The following WDR45B variants were observed in gnomAD, a reference collection of about 807,000 sequenced individuals.
The protein encoded by WDR45B is WD repeat domain phosphoinositide-interacting protein 3.
WDR45B carries 20 observed loss-of-function variants against 44.6 expected under a neutral mutation model. The ratio of observed to expected loss-of-function variants is 0.45; its 90% CI spans 0.32 to 0.65. The LOEUF is 0.65. Ranked by LOEUF, WDR45B falls within the 30% of genes least tolerant of loss-of-function variation. WDR45B has a pLI of 0.05. For synonymous variants in WDR45B, 169 were observed against 164.9 expected (o/e 1.02, Z -0.19); for missense variants, 323 against 430.2 (o/e 0.75, Z 2.20).
chr17:82,632,316 C>T (rs1052056645), intron 2 of WDR45B, among the ~76,000 whole-genome samples: 3 of 151,966 alleles, frequency 2.0e-5, no homozygotes, highest in East Asian at 1.9e-4. Context: ...CACACATCAC[C>T]GCGCCTGGTT....
chr17:82,646,833 G>C (rs79949914), intron 1 of WDR45B, among the ~76,000 whole-genome samples: 4,551 of 152,238 alleles, frequency 0.03, 226 homozygotes, highest in African/African-American at 0.1. Flanking sequence ...ACTTTCTTCC[G>C]GAGAAACCCC....
rs1316166166 is a variant in WDR45B, at chr17:82,625,514, T to C, written c.333-31A>G. 5 of 1,603,176 alleles carry C rather than the reference T, an allele frequency of 3.1e-6. No homozygotes were observed. The African/African-American group carries it at 4.0e-5, about 13-fold the overall frequency. ...AAGAAAAACATGATCAGAGTTGCTT[T>C]CCTCAAGAGTCAAACCCAAACATTT... On this transcript the variant is annotated intron_variant, in intron 4 of 9. Coordinates refer to ENST00000392325, the MANE Select transcript of WDR45B (RefSeq NM_019613.4).
At chr17:82,618,961 A>ACCC in intron 7 of WDR45B, 82 bp downstream of exon 7, 2 of 1,342,200 alleles carry the variant, frequency 1.5e-6, no homozygotes, top group African/African-American at 2.9e-5. Flanking sequence ...GGCTGCTCCT[A>ACCC]CCCCCTCTCC....
chr17:82,633,606 T>C (rs1356981163), intron 2 of WDR45B, among the ~76,000 whole-genome samples: 1 of 152,182 alleles, frequency 6.6e-6, no homozygotes, highest in Non-Finnish European at 1.5e-5. Context: ...ATGGCTAATA[T>C]TGTTTTTTAA....
intron 1 of WDR45B, among the ~76,000 whole-genome samples, chr17:82,646,645 A>G (rs2143396663): frequency 6.6e-6 from 1 of 152,236 alleles, no homozygotes; most frequent in South Asian, 2.1e-4. Flanking sequence ...GGTATATTCA[A>G]TTTCTTAATT....
intron 2 of WDR45B, among the ~76,000 whole-genome samples, chr17:82,642,231 C>T (rs1384947757): frequency 1.3e-5 from 2 of 152,136 alleles, no homozygotes; most frequent in East Asian, 1.9e-4. Flanking sequence ...AGCAGGCGAA[C>T]AAGCATCCCC....
At position 82,641,298 on chromosome 17, in the gene WDR45B, T is replaced by C. The variant is rs535704640; in HGVS notation, c.142+2651A>G. On this transcript the variant is annotated intron_variant, in intron 2 of 9. Transcript: ENST00000392325. ...TCATTTTTATAAGAAATGTTGAATT[T>C]ACTGTAAACACTTCATTAATTAGGA... Among the ~76,000 whole-genome samples, 8 of 152,350 alleles carry C rather than the reference T, an allele frequency of 5.3e-5. No homozygotes were observed. The South Asian group carries it at 1.2e-3, about 24-fold the overall frequency.
At position 82,630,924 on chromosome 17, in the gene WDR45B, T is replaced by C; in HGVS notation, c.241A>G (p.Lys81Glu). Residue 81 changes from lysine (K) to glutamate (E), a missense_variant, in exon 3 of 10, where the codon AAA (lysine) becomes GAA (glutamate). Lys to Glu is a moderately conservative substitution (Grantham distance 56, BLOSUM62 1). Transcript: ENST00000392325. Reference sequence around the variant, plus strand: ...CTTCAATACACAATTACAGTACCTTTGTTGGGAGGGTATTTCGGCTTTTTT... The same window carrying C: ...CTTCAATACACAATTACAGTACCTTCGTTGGGAGGGTATTTCGGCTTTTTT... The part of the protein sequence containing the change: ...GGKKPKYPPN[K>E]VMIWDDLKKK... 1 of 1,612,196 alleles carries C rather than the reference T, an allele frequency of 6.2e-7. No homozygotes were observed. Among genetic ancestry groups the C allele is most frequent in the Non-Finnish European group, 8.5e-7 (1 of 1,179,836 alleles).
chr17:82,634,096 A>G (rs2045802656), intron 2 of WDR45B, among the ~76,000 whole-genome samples: 1 of 129,730 alleles, frequency 7.7e-6, no homozygotes, highest in African/African-American at 2.9e-5. Context: ...CGTTGCAGTG[A>G]GCCGAGATTG....
intron 7 of WDR45B, 81 bp from the exon 8 acceptor site, chr17:82,617,478 CTG>C: frequency 2.9e-6 from 4 of 1,362,540 alleles, no homozygotes; most frequent in South Asian, 1.2e-5. Flanking sequence ...CTTGTCGACA[CTG>C]TGGAACACCT....
intron 2 of WDR45B, 92 bp from the exon 3 acceptor site, chr17:82,631,114 A>G: frequency 1.6e-6 from 2 of 1,281,246 alleles, no homozygotes; most frequent in South Asian, 1.2e-5. Context: ...CAGGTAACGC[A>G]GCAATTTTCT....
At chr17:82,630,589 T>C (rs190870492) in intron 3 of WDR45B, among the ~76,000 whole-genome samples, 61 of 152,300 alleles carry the variant, frequency 4.0e-4, no homozygotes, top group Middle Eastern at 3.4e-3. Context: ...TTTAAGTCAA[T>C]GGCTCTCTGT....
intron 2 of WDR45B, among the ~76,000 whole-genome samples, chr17:82,640,805 C>T (rs2045904555): frequency 6.6e-6 from 1 of 152,184 alleles, no homozygotes; most frequent in Admixed American, 6.5e-5. Context: ...GCACACCACA[C>T]ATGCACATGT....
intron 1 of WDR45B, 58 bp downstream of exon 1, chr17:82,648,216 G>A (rs2046007267): frequency 1.1e-5 from 17 of 1,559,838 alleles, no homozygotes; most frequent in African/African-American, 1.4e-5. Flanking sequence ...TGAGAGCCGG[G>A]GACCCCGGGC....
At chr17:82,629,884 T>G (rs1013976615) in intron 3 of WDR45B, 1 of 985,096 alleles carries the variant, frequency 1.0e-6, no homozygotes, top group East Asian at 1.1e-4. Flanking sequence ...CACTTCCCAT[T>G]TGGCATGCGG....
intron 5 of WDR45B, among the ~76,000 whole-genome samples, chr17:82,622,101 C>T (rs2045627159): frequency 6.6e-6 from 1 of 151,922 alleles, no homozygotes; most frequent in Non-Finnish European, 1.5e-5. Context: ...ACCAACTGTC[C>T]GTCCGTCAGG....
rs2045528396 is a variant in WDR45B at position 82,615,991 on chromosome 17, C to G, written c.963G>C (p.Leu321=). ...GGATGCACTCCCCCTTGGGGTTGAA[C>G]AGGAATTTGTAGTAGCTGCCGTCTG... is the stretch of plus-strand genomic sequence containing the variant. The part of the protein sequence containing the change: ...ICADGSYYKF[L]FNPKGECIRD... The change falls in exon 10 of 10, where the codon CTG becomes CTC. Residue 321 remains leucine, a synonymous_variant. Coordinates refer to ENST00000392325, the MANE Select transcript of WDR45B (RefSeq NM_019613.4). 1.2e-6 allele frequency: 2 copies of G among 1,614,036 alleles called. No individual in the cohort carries two copies. Among genetic ancestry groups the G allele is most frequent in the Admixed American group, 1.7e-5 (1 of 59,988 alleles).
Position 82,621,789 on chromosome 17 carries a change from G to A in WDR45B, c.438C>T (p.Val146=). ...GGGAGTTGTTACTATTGGGACAAAG[G>A]ACACAGAGGCCTGCGTGGAGACAGA... ...ETCYNPKGLC[V]LCPNSNNSLL... is the part of the protein sequence containing the mutation. The change falls in exon 6 of 10, where the codon GTC becomes GTT. Residue 146 remains valine, a synonymous_variant. Transcript: ENST00000392325. 6.2e-7 allele frequency: 1 copy of A among 1,614,068 alleles called. No homozygotes were observed. Among genetic ancestry groups the A allele is most frequent in the Non-Finnish European group, 8.5e-7 (1 of 1,180,026 alleles).
intron 8 of WDR45B, 106 bp from the exon 9 acceptor site, chr17:82,616,751 G>T: frequency 1.4e-6 from 2 of 1,424,080 alleles, no homozygotes; most frequent in Non-Finnish European, 2.0e-6. Flanking sequence ...TCCTTCATAT[G>T]GTTTGAGCTT....
Sources: gnomAD v4.1 joint callset for allele counts (sites outside exome capture counted in the v4.1 genomes callset) on GRCh38, gnomAD v4.1.1 for gene constraint, MANE v1.5 for transcripts, NCBI Gene and HGNC (gene_info 2026-07-23, HGNC 2026-07-21) for gene names.